The following UBE2D2 variants were observed in gnomAD, a reference collection of about 807,000 sequenced individuals.
UBE2D2 encodes ubiquitin-conjugating enzyme E2 D2.
In UBE2D2, 2 loss-of-function variants were observed where a neutral mutation model predicts 24.2. That is an observed-to-expected ratio of 0.08 (90% CI 0.03 to 0.26). The LOEUF is 0.26. Among genes scored for constraint, UBE2D2 ranks in the 10% least tolerant of loss-of-function variants. The pLI is 1.00. For synonymous variants in UBE2D2, 58 were observed against 56.5 expected, an observed-to-expected ratio of 1.03 and a Z score of -0.12; for missense variants, 44 against 177.6, an observed-to-expected ratio of 0.25 and a Z score of 4.28.
At position 139,564,071 on chromosome 5, in the gene UBE2D2, T is replaced by C. The variant is rs141296899; in HGVS notation, c.24+2256T>C. Among the ~76,000 whole-genome samples the C allele has an allele frequency of 2.1e-3, 323 of 152,364 alleles. 1 individual carries two copies. The highest frequency in any genetic ancestry group is 7.3e-3 in the African/African-American group (305 of 41,596). On this transcript the variant is annotated intron_variant, in intron 1 of 6. Coordinates refer to ENST00000398733, the MANE Select transcript of UBE2D2 (RefSeq NM_003339.3). ...CTTGCTCTGGTAATATAGTTTCTTA[T>C]GAGTTGCTACATATTTTCTAGAATA...
chr5:139,621,531 T>C (rs1370979128), intron 5 of UBE2D2, among the ~76,000 whole-genome samples: 1 of 152,250 alleles, frequency 6.6e-6, no homozygotes. Flanking sequence ...AACAAAACAA[T>C]TGTCTGAATG....
At chr5:139,565,706 A>T (rs1379103792) in intron 1 of UBE2D2, among the ~76,000 whole-genome samples, 1 of 152,078 alleles carries the variant, frequency 6.6e-6, no homozygotes, top group Non-Finnish European at 1.5e-5. Context: ...GACCTTTCTG[A>T]CTTGCTTCCT....
At chr5:139,569,614 G>T (rs938764712) in intron 1 of UBE2D2, among the ~76,000 whole-genome samples, 12 of 152,146 alleles carry the variant, frequency 7.9e-5, no homozygotes, top group Non-Finnish European at 1.8e-4. Context: ...CTATAATATA[G>T]GGAAATAAAG....
chr5:139,589,876 C>T (rs1753807436), intron 1 of UBE2D2, among the ~76,000 whole-genome samples: 1 of 152,100 alleles, frequency 6.6e-6, no homozygotes. Context: ...ACTCCGCCTC[C>T]TGGGTTCACA....
chr5:139,559,617 C>G (rs1370512979), upstream of UBE2D2, among the ~76,000 whole-genome samples: 1 of 152,168 alleles, frequency 6.6e-6, no homozygotes. Flanking sequence ...GTCCAACCTT[C>G]TCAGTAGGTG....
At chr5:139,551,394 A>C (rs1752919704) in intron 1 of UBE2D2, among the ~76,000 whole-genome samples, 1 of 152,192 alleles carries the variant, frequency 6.6e-6, no homozygotes, top group African/African-American at 2.4e-5. Flanking sequence ...CCACACTTGC[A>C]CAATATCTTC....
chr5:139,542,895 T>C (rs1752777286), intron 1 of UBE2D2, among the ~76,000 whole-genome samples: 1 of 152,172 alleles, frequency 6.6e-6, no homozygotes, highest in South Asian at 2.1e-4. Flanking sequence ...CACAAACATA[T>C]GTAACTTTTT....
In UBE2D2 at chr5:139,529,831, TA is replaced by T. The variant is rs371086400; in HGVS notation, c.-64+3224del. ...CAGTACCTGAGATTCCAGGAAAAAC[TA>T]AAAATTTGTTTTTTCCATTAGCCGA... On this transcript the variant is annotated intron_variant, in intron 1 of 6. Transcript: ENST00000511725. 4.6e-3 allele frequency among the ~76,000 whole-genome samples: 705 copies of T among 152,276 alleles called. 4 individuals carry two copies. Among genetic ancestry groups the T allele is most frequent in the African/African-American group, 0.016 (658 of 41,556 alleles).
chr5:139,598,082 T>C (rs1237879277), intron 1 of UBE2D2, among the ~76,000 whole-genome samples: 1 of 152,106 alleles, frequency 6.6e-6, no homozygotes, highest in Non-Finnish European at 1.5e-5. Flanking sequence ...TTTATATTTT[T>C]AGTAGAGATG....
chr5:139,546,887 T>C (rs928211419), intron 1 of UBE2D2, among the ~76,000 whole-genome samples: 13 of 151,360 alleles, frequency 8.6e-5, no homozygotes, highest in Non-Finnish European at 1.3e-4. Context: ...TCCTTCTTTC[T>C]TTCTTTTCTT....
rs764061131 is a variant in UBE2D2, at chr5:139,562,221, C to T, written c.24+406C>T. ...AAGGGCTTCTCGCCCCATTTCTGTT[C>T]CCTCCTCCCACACCTGCCCTAGCTC... On this transcript the variant is annotated intron_variant, in intron 1 of 6. Transcript: ENST00000398733. 49 of 1,372,616 alleles carry T rather than the reference C, an allele frequency of 3.6e-5. No individual in the cohort carries two copies. The African/African-American group carries it at 6.7e-4, about 19-fold the overall frequency. The allele number at this position is 1,372,616 out of a possible 1,614,324, so 85.0% of individuals were successfully genotyped here.
intron 1 of UBE2D2, among the ~76,000 whole-genome samples, chr5:139,551,764 G>A (rs954852229): frequency 1.3e-5 from 2 of 152,172 alleles, no homozygotes; most frequent in African/African-American, 2.4e-5. Flanking sequence ...CTCTAACCTA[G>A]AGGCATGTGC....
At chr5:139,550,115 G>C (rs1752888549) in intron 1 of UBE2D2, among the ~76,000 whole-genome samples, 1 of 150,530 alleles carries the variant, frequency 6.6e-6, no homozygotes, top group Non-Finnish European at 1.5e-5. Flanking sequence ...TTTATGTCTA[G>C]CTAAAGGATT....
intron 1 of UBE2D2, among the ~76,000 whole-genome samples, chr5:139,532,391 G>A (rs1299714741): frequency 1.3e-5 from 2 of 149,512 alleles, no homozygotes; most frequent in Non-Finnish European, 3.0e-5. Context: ...TCATTCTGTT[G>A]CCCAGGCTGG....
At chr5:139,577,735 C>T (rs1753510646) in intron 1 of UBE2D2, among the ~76,000 whole-genome samples, 1 of 152,140 alleles carries the variant, frequency 6.6e-6, no homozygotes, top group South Asian at 2.1e-4. Context: ...GTTGGCATCT[C>T]TTTAAGGTCT....
intron 1 of UBE2D2, among the ~76,000 whole-genome samples, chr5:139,549,334 A>C (rs1429987228): frequency 1.3e-5 from 2 of 151,798 alleles, no homozygotes; most frequent in African/African-American, 4.8e-5. Context: ...GCTTGCGGGG[A>C]GGTGTGGAGG....
intron 5 of UBE2D2, among the ~76,000 whole-genome samples, chr5:139,619,761 G>A (rs1032673555): frequency 1.3e-5 from 2 of 152,146 alleles, no homozygotes; most frequent in African/African-American, 4.8e-5. Flanking sequence ...TACTTGGGAG[G>A]CTGAGGCGGG....
chr5:139,548,406 A>T (rs866527538), intron 1 of UBE2D2, among the ~76,000 whole-genome samples: 10 of 151,786 alleles, frequency 6.6e-5, no homozygotes, highest in Middle Eastern at 3.4e-3. Context: ...TGCTACACGG[A>T]GTGTGGGCTG....
At chr5:139,559,139 T>C (rs1182211489), upstream of UBE2D2, among the ~76,000 whole-genome samples, 2 of 151,772 alleles carry the variant, frequency 1.3e-5, no homozygotes, top group African/African-American at 4.8e-5. Flanking sequence ...AAAAAAAAAA[T>C]CTGTCGGCCG....
Sources: gnomAD v4.1 joint callset for allele counts (sites outside exome capture counted in the v4.1 genomes callset) on GRCh38, gnomAD v4.1.1 for gene constraint, MANE v1.5 for transcripts, NCBI Gene and HGNC (gene_info 2026-07-23, HGNC 2026-07-21) for gene names.